The following CNTNAP3B variants were observed in gnomAD, a reference collection of about 807,000 sequenced individuals.
CNTNAP3B encodes contactin associated protein family member 3B.
A neutral mutation model predicts 108.9 loss-of-function variants in CNTNAP3B; 25 were observed. That is an observed-to-expected ratio of 0.23 (90% CI 0.17 to 0.32). The LOEUF (loss-of-function observed/expected upper bound fraction) is 0.32. CNTNAP3B is among the 10% of genes least tolerant of loss of function. The pLI is 1.00. For synonymous variants in CNTNAP3B, 103 were observed against 473.4 expected (o/e 0.22, Z 10.16); for missense variants, 252 against 1,210.4 (o/e 0.21, Z 11.75).
chr9:41,942,608 C>CA (rs976636892), intron 13 of CNTNAP3B, among the ~76,000 whole-genome samples: 1 of 148,792 alleles, frequency 6.7e-6, no homozygotes, highest in African/African-American at 2.5e-5. Context: ...GAGACTCTCT[C>CA]AAAAAAATTA....
At chr9:42,113,676 G>A (rs1487289990) in intron 1 of CNTNAP3B, among the ~76,000 whole-genome samples, 1 of 139,968 alleles carries the variant, frequency 7.1e-6, no homozygotes, top group Non-Finnish European at 1.5e-5. Context: ...GGCAATAAAT[G>A]ATCTTTCCAC....
intron 2 of CNTNAP3B, among the ~76,000 whole-genome samples, chr9:42,096,334 A>G (rs1827899833): frequency 7.1e-6 from 1 of 140,182 alleles, no homozygotes; most frequent in Admixed American, 7.1e-5. Context: ...AGTCCTGCTG[A>G]GGGTTCCTAG....
intron 9 of CNTNAP3B, among the ~76,000 whole-genome samples, chr9:41,973,690 C>CA (rs1564164579): frequency 7.2e-6 from 1 of 138,676 alleles, no homozygotes; most frequent in Non-Finnish European, 1.5e-5. Flanking sequence ...GGCATGAATG[C>CA]AAAAAACTGC....
intron 13 of CNTNAP3B, among the ~76,000 whole-genome samples, chr9:41,944,448 A>G (rs1363210954): frequency 6.6e-6 from 1 of 152,234 alleles, no homozygotes; most frequent in Non-Finnish European, 1.5e-5. Flanking sequence ...TACCAGCACC[A>G]TTAATGAAGT....
intron 3 of CNTNAP3B, among the ~76,000 whole-genome samples, chr9:42,065,120 GT>G (rs1371414229): frequency 3.0e-4 from 32 of 106,792 alleles, no homozygotes; most frequent in Admixed American, 2.6e-3. Context: ...ACCAGCATTT[GT>G]TGTTTTTTGA....
intron 13 of CNTNAP3B, among the ~76,000 whole-genome samples, chr9:41,951,151 G>A: frequency 7.0e-6 from 1 of 141,966 alleles, no homozygotes; most frequent in East Asian, 2.0e-4. Flanking sequence ...TCTACAAGAT[G>A]TCACCTTGGG....
intron 1 of CNTNAP3B, among the ~76,000 whole-genome samples, chr9:42,114,955 G>A (rs1189434512): frequency 2.2e-5 from 3 of 136,020 alleles, no homozygotes; most frequent in Admixed American, 7.3e-5. Flanking sequence ...TCGGGAGGCT[G>A]AGGCAGGAGA....
intron 8 of CNTNAP3B, among the ~76,000 whole-genome samples, chr9:41,990,446 C>A (rs1825785051): frequency 7.6e-6 from 1 of 131,900 alleles, no homozygotes; most frequent in Non-Finnish European, 1.6e-5. Flanking sequence ...TTCTAACACC[C>A]AGGACTTGCC....
chr9:41,952,783 C>A (rs1824730861), intron 13 of CNTNAP3B, among the ~76,000 whole-genome samples: 1 of 150,400 alleles, frequency 6.6e-6, no homozygotes, highest in Non-Finnish European at 1.5e-5. Flanking sequence ...ACAAAGGTTC[C>A]AAGTAGATTT....
intron 3 of CNTNAP3B, among the ~76,000 whole-genome samples, chr9:42,037,225 G>T (rs1210146284): frequency 2.7e-5 from 4 of 145,836 alleles, no homozygotes; most frequent in African/African-American, 2.6e-5. Context: ...AGAGAAGAAG[G>T]TTTCAGATGA....
chr9:41,970,940 T>C (rs1307977276), intron 9 of CNTNAP3B, among the ~76,000 whole-genome samples: 1 of 150,802 alleles, frequency 6.6e-6, no homozygotes, highest in African/African-American at 2.5e-5. Flanking sequence ...TTAGGGTACA[T>C]AAGGATAAAA....
chr9:41,930,891 A>G (rs1309246125), intron 14 of CNTNAP3B, among the ~76,000 whole-genome samples: 46 of 152,336 alleles, frequency 3.0e-4, no homozygotes, highest in Middle Eastern at 3.4e-3. Flanking sequence ...TGTAATAAAT[A>G]TTTGGCCAAT....
rs1423588623 is a variant in CNTNAP3B at position 41,953,549 on chromosome 9, G to C, written c.1877-163C>G. 4.7e-3 allele frequency among the ~76,000 whole-genome samples: 710 copies of C among 151,458 alleles called. 2 individuals are homozygous for C. Among genetic ancestry groups the C allele is most frequent in the Non-Finnish European group, 7.9e-3 (537 of 67,662 alleles). The stretch of plus-strand genomic sequence containing the variant: ...ACCTGTGTAACAATGTACTGAGCCA[G>C]AACTCAGCCTCTAAGAGAAAGCATA... On this transcript the variant is annotated intron_variant, in intron 12 of 23. Transcript: ENST00000377561.
intron 14 of CNTNAP3B, among the ~76,000 whole-genome samples, chr9:41,934,126 C>CAT (rs1824074627): frequency 1.8e-4 from 4 of 22,280 alleles, no homozygotes; most frequent in African/African-American, 4.2e-4. Context: ...TATATATACA[C>CAT]ACACATATAT....
At chr9:42,037,607 C>T (rs1362331378) in intron 3 of CNTNAP3B, among the ~76,000 whole-genome samples, 1 of 111,624 alleles carries the variant, frequency 9.0e-6, no homozygotes, top group African/African-American at 3.8e-5. Flanking sequence ...ATGAACAAAG[C>T]CTCCAAGAAA....
Position 41,948,281 on chromosome 9 carries a change from G to A in CNTNAP3B, c.2080+4902C>T, listed in dbSNP as rs1483703459. ...TAATTTTTGTATTTTTAGTGGAGAC[G>A]GGGTTTCACCATGTTGGCCAGGCAG... On this transcript the variant is annotated intron_variant, in intron 13 of 23. Coordinates refer to ENST00000377561, the MANE Select transcript of CNTNAP3B (RefSeq NM_001201380.3). Among the ~76,000 whole-genome samples the A allele has an allele frequency of 6.3e-4, 95 of 151,186 alleles. 1 individual carries two copies. The highest frequency in any genetic ancestry group is 8.4e-4 in the South Asian group (4 of 4,782).
intron 13 of CNTNAP3B, among the ~76,000 whole-genome samples, 155 bp downstream of exon 13, chr9:41,953,028 C>T (rs1240437088): frequency 6.6e-6 from 1 of 152,258 alleles, no homozygotes. Flanking sequence ...CTCTTTGGTC[C>T]AACCAAGAGC....
intron 12 of CNTNAP3B, among the ~76,000 whole-genome samples, chr9:41,954,301 C>T (rs1208880778): frequency 2.0e-5 from 3 of 152,270 alleles, no homozygotes; most frequent in African/African-American, 4.8e-5. Flanking sequence ...ATCACCCTCC[C>T]AGCCCTTCAC....
At chr9:41,915,711 T>C (rs1338937759) in intron 18 of CNTNAP3B, among the ~76,000 whole-genome samples, 1 of 137,022 alleles carries the variant, frequency 7.3e-6, no homozygotes, top group East Asian at 2.1e-4. Context: ...TTGTTAAATG[T>C]TTTTTTTTTT....
Sources: allele counts gnomAD v4.1 joint callset (sites outside exome capture counted in the v4.1 genomes callset), GRCh38; gene constraint gnomAD v4.1.1; transcripts MANE v1.5; gene names NCBI Gene and HGNC (gene_info 2026-07-23, HGNC 2026-07-21).